Variants in STPG2 observed in about 807,000 individuals in gnomAD.
The protein encoded by STPG2 is sperm-tail PG-rich repeat-containing protein 2.
Under a neutral mutation model 54.2 loss-of-function variants are expected in STPG2, and 56 were observed. The ratio of observed to expected loss-of-function variants is 1.03; its 90% CI spans 0.83 to 1.29. The LOEUF (loss-of-function observed/expected upper bound fraction) is 1.29, where lower values mean the gene tolerates loss of function less well. Ranked by LOEUF, STPG2 falls within the 50% of genes most tolerant of loss-of-function variation. The probability of loss-of-function intolerance (pLI) is 0.00; values close to 1 mark genes in which losing one functional copy is unlikely to be tolerated. For missense variants in STPG2, 596 were observed against 544.9 expected (o/e 1.09, Z -0.93); for synonymous variants, 200 against 181.8 (o/e 1.10, Z -0.81).
chr4:97,621,576 A>G (rs970726523), intron 10 of STPG2, among the ~76,000 whole-genome samples: 1 of 152,156 alleles, frequency 6.6e-6, no homozygotes, highest in African/African-American at 2.4e-5. Flanking sequence ...AGACTAAACA[A>G]AAAAGAAACT....
intron 5 of STPG2, among the ~76,000 whole-genome samples, chr4:97,983,941 A>G (rs1278648331): frequency 6.6e-6 from 1 of 152,228 alleles, no homozygotes; most frequent in Non-Finnish European, 1.5e-5. Context: ...ATGAGTTCAC[A>G]TAAAAGCCTT....
chr4:98,060,669 T>C (rs1294810996), intron 5 of STPG2, among the ~76,000 whole-genome samples: 1 of 152,018 alleles, frequency 6.6e-6, no homozygotes, highest in Admixed American at 6.6e-5. Flanking sequence ...CAAACTATAC[T>C]ACAGGGCTAC....
chr4:97,798,142 T>A (rs780947137), intron 9 of STPG2, among the ~76,000 whole-genome samples: 5 of 152,224 alleles, frequency 3.3e-5, no homozygotes, highest in Non-Finnish European at 5.9e-5. Flanking sequence ...AGCTCCTGGA[T>A]TCATCGATTT....
intron 9 of STPG2, among the ~76,000 whole-genome samples, chr4:97,773,994 GGTGT>G (rs34968031): frequency 0.039 from 5,764 of 147,320 alleles, 154 homozygotes; most frequent in Middle Eastern, 0.066. Flanking sequence ...TAAAATATAG[GGTGT>G]GTGTGTGTGT....
At chr4:97,865,023 T>C (rs1333337709) in intron 8 of STPG2, among the ~76,000 whole-genome samples, 1 of 152,128 alleles carries the variant, frequency 6.6e-6, no homozygotes, top group Non-Finnish European at 1.5e-5. Context: ...ATTCAGGACA[T>C]AGACATGGGC....
At chr4:98,136,806 A>G (rs1426563547) in intron 1 of STPG2, among the ~76,000 whole-genome samples, 2 of 151,774 alleles carry the variant, frequency 1.3e-5, no homozygotes, top group African/African-American at 4.8e-5. Context: ...GCAATAAATT[A>G]GAAATACATA....
At chr4:97,611,801 A>C (rs79135731) in intron 10 of STPG2, among the ~76,000 whole-genome samples, 4,628 of 151,946 alleles carry the variant, frequency 0.03, 156 homozygotes, top group African/African-American at 0.084. Context: ...GTACAAAATA[A>C]AATAAATTTC....
chr4:97,512,410 C>T (rs1245970375), intron 4 of STPG2, among the ~76,000 whole-genome samples: 1 of 152,006 alleles, frequency 6.6e-6, no homozygotes, highest in Non-Finnish European at 1.5e-5. Flanking sequence ...CTATGAAATC[C>T]CTGACTGTAA....
intron 8 of STPG2, among the ~76,000 whole-genome samples, chr4:97,924,903 G>C (rs1307719773): frequency 1.3e-5 from 2 of 152,078 alleles, no homozygotes; most frequent in Non-Finnish European, 2.9e-5. Flanking sequence ...ATGACTTGTT[G>C]ATACAAAATG....
rs542697896 is a variant in STPG2 at position 97,912,212 on chromosome 4, A to G, written c.1044+31685T>C. ...GTAGATAAGCCCACAAAGATGAGGG[A>G]AAAAAATCAACACAAAAACACTGAA... is the stretch of plus-strand genomic sequence containing the variant. On this transcript the variant is annotated intron_variant, in intron 8 of 10. Coordinates refer to ENST00000295268, the MANE Select transcript of STPG2 (RefSeq NM_174952.3). 7.2e-5 allele frequency among the ~76,000 whole-genome samples: 11 copies of G among 152,264 alleles called. 2 individuals are homozygous for G. In the South Asian group the frequency reaches 8.3e-4, roughly 11 times the overall value.
At chr4:97,532,591 G>A (rs1731438223) in intron 4 of STPG2, among the ~76,000 whole-genome samples, 1 of 152,156 alleles carries the variant, frequency 6.6e-6, no homozygotes, top group Non-Finnish European at 1.5e-5. Context: ...CTTCTTGAAA[G>A]ACATCCTGAG....
chr4:97,630,862 C>T (rs953800912), intron 10 of STPG2, among the ~76,000 whole-genome samples: 11 of 151,474 alleles, frequency 7.3e-5, no homozygotes, highest in Non-Finnish European at 1.5e-4. Flanking sequence ...AATGCAATTT[C>T]TCCAGTTAAT....
chr4:97,828,153 A>C (rs938755838), intron 9 of STPG2, among the ~76,000 whole-genome samples: 2 of 152,204 alleles, frequency 1.3e-5, no homozygotes, highest in Non-Finnish European at 2.9e-5. Context: ...ACCGATGCAG[A>C]AGGTGGGTGA....
chr4:98,109,471 G>C (rs1314795017), intron 3 of STPG2, among the ~76,000 whole-genome samples, 166 bp from the exon 4 acceptor site: 3 of 152,134 alleles, frequency 2.0e-5, no homozygotes, highest in African/African-American at 7.2e-5. Flanking sequence ...AGGCTAAGTT[G>C]TCACTGTTGG....
At chr4:97,583,500 A>G (rs1427403657) in intron 10 of STPG2, among the ~76,000 whole-genome samples, 1 of 151,986 alleles carries the variant, frequency 6.6e-6, no homozygotes, top group East Asian at 1.9e-4. Context: ...CTATTTTCAC[A>G]TGAACTGACA....
intron 8 of STPG2, among the ~76,000 whole-genome samples, chr4:97,867,142 C>T (rs995147450): frequency 1.3e-5 from 2 of 151,966 alleles, no homozygotes; most frequent in African/African-American, 2.4e-5. Context: ...CTGTAATATG[C>T]TGTAATAAAC....
At chr4:97,823,712 C>T (rs758893162) in intron 9 of STPG2, among the ~76,000 whole-genome samples, 15 of 152,160 alleles carry the variant, frequency 9.9e-5, no homozygotes, top group Non-Finnish European at 2.1e-4. Context: ...ACTGAAGAGA[C>T]ACCCGACCCA....
chr4:97,549,351 A>C (rs1731914285), intron 4 of STPG2, among the ~76,000 whole-genome samples: 1 of 152,240 alleles, frequency 6.6e-6, no homozygotes, highest in South Asian at 2.1e-4. Flanking sequence ...TGACTTGCTC[A>C]AAATTAGTTT....
At chr4:97,629,586 C>A (rs1721193701) in intron 10 of STPG2, among the ~76,000 whole-genome samples, 2 of 151,894 alleles carry the variant, frequency 1.3e-5, no homozygotes, top group Non-Finnish European at 2.9e-5. Context: ...TGATTTGAGC[C>A]AATACAGTGA....
Sources: gnomAD v4.1 joint callset for allele counts (sites outside exome capture counted in the v4.1 genomes callset) on GRCh38, gnomAD v4.1.1 for gene constraint, MANE v1.5 for transcripts, NCBI Gene and HGNC (gene_info 2026-07-23, HGNC 2026-07-21) for gene names.